CPPED1: variants seen among roughly 807,000 people sequenced by gnomAD.
CPPED1 encodes calcineurin like phosphoesterase domain containing 1.
Under a neutral mutation model 28.0 loss-of-function variants are expected in CPPED1, and 28 were observed. That is an observed-to-expected ratio of 1.00 (90% CI 0.74 to 1.37). CPPED1 has a LOEUF of 1.37. CPPED1 is among the 40% of genes most tolerant of loss of function. The pLI is 0.00. For synonymous variants in CPPED1, 198 were observed against 180.2 expected (o/e 1.10, Z -0.79); for missense variants, 504 against 416.5 (o/e 1.21, Z -1.83).
At chr16:12,723,912 C>A (rs1237105584) in intron 2 of CPPED1, among the ~76,000 whole-genome samples, 10 of 152,164 alleles carry the variant, frequency 6.6e-5, no homozygotes, top group Non-Finnish European at 1.2e-4. Flanking sequence ...AGCTGCCTGA[C>A]TCAGAGATCT....
chr16:12,792,440 G>A (rs2080602193), intron 1 of CPPED1, among the ~76,000 whole-genome samples: 1 of 152,134 alleles, frequency 6.6e-6, no homozygotes, highest in African/African-American at 2.4e-5. Context: ...GCACAGGACA[G>A]GAACCCACAA....
Position 12,664,840 on chromosome 16 carries a change from T to A in CPPED1, c.*46A>T, listed in dbSNP as rs904417382. 1 of 1,605,884 alleles carries A rather than the reference T, an allele frequency of 6.2e-7. No homozygotes were observed. On this transcript the variant is annotated 3_prime_UTR_variant, in exon 4 of 4. Coordinates refer to ENST00000381774, the MANE Select transcript of CPPED1 (RefSeq NM_018340.3). This position sits in a 1 kb window ranked among gnomAD's most constrained non-coding sequence, Gnocchi z 4.2. ...TGTGCAGCTGCTGTTTCTGGCAAAA[T>A]AAAAAAATAGTGCAAGTGAAAAGTG...
intron 2 of CPPED1, among the ~76,000 whole-genome samples, chr16:12,721,471 G>T: frequency 6.6e-6 from 1 of 152,084 alleles, no homozygotes; most frequent in East Asian, 1.9e-4. Context: ...AGGAGGCCGG[G>T]GCTGGGCAGG....
chr16:12,731,825 C>T (rs2080199350), intron 2 of CPPED1, among the ~76,000 whole-genome samples: 1 of 151,392 alleles, frequency 6.6e-6, no homozygotes, highest in African/African-American at 2.4e-5. Context: ...ACAAAACAAC[C>T]CCAATGGTAA....
intron 1 of CPPED1, among the ~76,000 whole-genome samples, chr16:12,790,691 G>A (rs979977984): frequency 6.6e-6 from 1 of 152,018 alleles, no homozygotes; most frequent in Non-Finnish European, 1.5e-5. Flanking sequence ...GAGGCCGAGT[G>A]GCGGGGCGGG....
At chr16:12,734,045 T>TTTCA (rs943355491) in intron 2 of CPPED1, among the ~76,000 whole-genome samples, 3 of 151,040 alleles carry the variant, frequency 2.0e-5, no homozygotes, top group Admixed American at 6.6e-5. Flanking sequence ...TTGTCTCTGT[T>TTTCA]TTCAAATTAC....
In CPPED1 at chr16:12,660,445, G is replaced by C. The variant is rs942724494; in HGVS notation, c.*4441C>G. The C allele has an allele frequency of 1.3e-5, 2 of 151,744 alleles. No homozygotes were observed. The highest frequency in any genetic ancestry group is 6.6e-5 in the Admixed American group (1 of 15,238). The allele number at this position is 151,744 out of a possible 1,614,324, so 9.4% of individuals were successfully genotyped here. On this transcript the variant is annotated 3_prime_UTR_variant, in exon 4 of 4. Transcript: ENST00000381774. ...AATTTAGTCAGCAAAATCTTTTCTAGATAAATGCTAGAAATCATTATTCCA... is the reference window on the plus strand; with the variant it reads ...AATTTAGTCAGCAAAATCTTTTCTACATAAATGCTAGAAATCATTATTCCA...
chr16:12,731,785 T>C (rs1228664186), intron 2 of CPPED1, among the ~76,000 whole-genome samples: 1 of 150,288 alleles, frequency 6.7e-6, no homozygotes, highest in Non-Finnish European at 1.5e-5. Context: ...ATTAGATGTA[T>C]GAGCAATGTG....
chr16:12,741,669 G>A lies in CPPED1; in HGVS notation c.290-36620C>T, dbSNP rs374191802. ...GATGAGATGGCTCACAGTTAACTGCGCTACACTTTGCACTTTCCAGTATAT... is the reference window on the plus strand; with the variant it reads ...GATGAGATGGCTCACAGTTAACTGCACTACACTTTGCACTTTCCAGTATAT... On this transcript the variant is annotated intron_variant, in intron 2 of 3. Transcript: ENST00000381774. Among the ~76,000 whole-genome samples the A allele has an allele frequency of 7.9e-4, 120 of 152,268 alleles. 1 individual carries two copies. The South Asian group carries it at 0.02, about 25-fold the overall frequency.
chr16:12,790,670 T>C (rs2080590580), intron 1 of CPPED1, among the ~76,000 whole-genome samples: 2 of 152,196 alleles, frequency 1.3e-5, no homozygotes, highest in South Asian at 4.2e-4. Flanking sequence ...CCTGTAATCC[T>C]AGCACTTTGG....
chr16:12,794,828 G>C (rs550753036), intron 1 of CPPED1, among the ~76,000 whole-genome samples: 3 of 152,306 alleles, frequency 2.0e-5, no homozygotes, highest in East Asian at 3.9e-4. Flanking sequence ...ACACACAAAA[G>C]ATTCTGAGTC....
rs751349183 is a variant in CPPED1 at position 12,682,718 on chromosome 16, T to C, written c.716-17603A>G. ...GTACTCAGGCAGCACTCAATAATTA[T>C]ACTTTCCTCTCATCCTTCTCTAAGT... On this transcript the variant is annotated intron_variant, in intron 3 of 3. Transcript: ENST00000381774. The surrounding 1 kb of genome is among the most constrained non-coding windows in gnomAD (Gnocchi z 6.1). Among the ~76,000 whole-genome samples the C allele has an allele frequency of 2.0e-5, 3 of 152,254 alleles. No homozygotes were observed. The highest frequency in any genetic ancestry group is 4.4e-5 in the Non-Finnish European group (3 of 68,030).
At chr16:12,737,650 T>C (rs2080233448) in intron 2 of CPPED1, among the ~76,000 whole-genome samples, 1 of 152,200 alleles carries the variant, frequency 6.6e-6, no homozygotes, top group Non-Finnish European at 1.5e-5. Context: ...TCTGAGCAGC[T>C]TACTCTTGCC....
chr16:12,726,340 CT>C (rs35865113), intron 2 of CPPED1, among the ~76,000 whole-genome samples: 52,551 of 107,168 alleles, frequency 0.49, 13,279 homozygotes, highest in Admixed American at 0.58. Context: ...GCACCCAGCC[CT>C]TTTTTTTTTT....
At chr16:12,776,244 T>A (rs771465292) in intron 2 of CPPED1, among the ~76,000 whole-genome samples, 1 of 152,146 alleles carries the variant, frequency 6.6e-6, no homozygotes, top group Admixed American at 6.6e-5. Context: ...AGAAACGCAG[T>A]TGGCCTCTAG....
At chr16:12,762,700 G>T (rs572037747) in intron 2 of CPPED1, among the ~76,000 whole-genome samples, 2 of 152,240 alleles carry the variant, frequency 1.3e-5, no homozygotes, top group East Asian at 3.9e-4. Context: ...GGGAAATAGG[G>T]AATGACAGCT....
At chr16:12,744,292 G>GCA (rs1230259379) in intron 2 of CPPED1, among the ~76,000 whole-genome samples, 9 of 78,542 alleles carry the variant, frequency 1.1e-4, no homozygotes, top group East Asian at 3.7e-4. Context: ...GAGAGAGAGA[G>GCA]AGAGAAAGCA....
rs1198006895 is a variant in CPPED1, at chr16:12,660,817, A to G, written c.*4069T>C. The G allele has an allele frequency of 3.9e-5, 6 of 152,248 alleles. No individual in the cohort carries two copies. Among genetic ancestry groups the G allele is most frequent in the African/African-American group, 1.4e-4 (6 of 41,458 alleles). The allele number at this position is 152,248 out of a possible 1,614,324, so 9.4% of individuals were successfully genotyped here. A position where few individuals can be genotyped will look rare whatever the true frequency, so the allele number is the denominator to read the frequency against. On this transcript the variant is annotated 3_prime_UTR_variant, in exon 4 of 4. Coordinates refer to ENST00000381774, the MANE Select transcript of CPPED1 (RefSeq NM_018340.3). ...TAGGTACCACTTGGGAATAAGTATT[A>G]AGAGTTCAAGTAAGGCTGGGTACAG...
intron 2 of CPPED1, among the ~76,000 whole-genome samples, chr16:12,773,104 T>C (rs56272041): frequency 0.22 from 33,536 of 152,136 alleles, 4,198 homozygotes; most frequent in East Asian, 0.29. Context: ...TAAGGGGTTA[T>C]GTACAAGTGC....
Sources: allele counts gnomAD v4.1 joint callset (sites outside exome capture counted in the v4.1 genomes callset), GRCh38; gene constraint gnomAD v4.1.1; non-coding constraint Gnocchi (gnomAD v3.1); transcripts MANE v1.5; gene names NCBI Gene and HGNC (gene_info 2026-07-23, HGNC 2026-07-21).